Variants in ZNF527 observed in about 807,000 individuals in gnomAD.
ZNF527 encodes zinc finger protein 527.
Under a neutral mutation model 13.5 loss-of-function variants are expected in ZNF527, and 5 were observed. The ratio of observed to expected loss-of-function variants is 0.37; its 90% CI spans 0.19 to 0.78. The LOEUF is 0.78. Ranked by LOEUF, ZNF527 falls within the 30% of genes least tolerant of loss-of-function variation. The pLI is 0.48. For synonymous variants in ZNF527, 209 were observed against 243.1 expected, an observed-to-expected ratio of 0.86 and a Z score of 1.30; for missense variants, 628 against 726.4, an observed-to-expected ratio of 0.86 and a Z score of 1.56.
At chr19:37,374,884 G>A (rs1246330662) in intron 2 of ZNF527, among the ~76,000 whole-genome samples, 1 of 152,218 alleles carries the variant, frequency 6.6e-6, no homozygotes, top group Non-Finnish European at 1.5e-5. Flanking sequence ...GAAGCAGAGA[G>A]GCCAGTCAGG....
chr19:37,373,957 C>CT (rs1166457450), intron 1 of ZNF527, among the ~76,000 whole-genome samples: 1 of 151,764 alleles, frequency 6.6e-6, no homozygotes, highest in Non-Finnish European at 1.5e-5. Context: ...TGAGTTCAGG[C>CT]TATGCGTCCT....
Position 37,390,977 on chromosome 19 carries a change from T to C in ZNF527, c.*1098T>C, listed in dbSNP as rs2146828806. 1 of 152,346 alleles carries C rather than the reference T, an allele frequency of 6.6e-6. No individual in the cohort carries two copies. The highest frequency in any genetic ancestry group is 2.1e-4 in the South Asian group (1 of 4,830). 9.4% of individuals were successfully genotyped at this position (152,346 alleles called of 1,614,324 possible). On this transcript the variant is annotated 3_prime_UTR_variant, in exon 5 of 5. Coordinates refer to ENST00000436120, the MANE Select transcript of ZNF527 (RefSeq NM_032453.2). ...GTTACATTTTATTTGTCGATAAAAC[T>C]ATTTTAGTGTTTCTTAGTTTTTTTC...
rs757837023 is a variant in ZNF527 at position 37,389,061 on chromosome 19, G to A, written c.1012G>A (p.Ala338Thr). Residue 338 changes from alanine (A) to threonine (T), a missense_variant, in exon 5 of 5, where the codon GCT becomes ACT. Ala to Thr is a moderately conservative substitution (Grantham distance 58). This residue lies in a region of ZNF527 where 592 missense variants were observed against 678.0 expected (regional missense o/e 0.87). Coordinates refer to ENST00000436120, the MANE Select transcript of ZNF527 (RefSeq NM_032453.2). ...KPYECKECNK[A>T]FRQSAHLAQH... Reference sequence around the variant, plus strand: ...TTATGAATGTAAGGAATGTAACAAAGCTTTCAGACAGAGTGCTCACCTTGC... The same window carrying A: ...TTATGAATGTAAGGAATGTAACAAAACTTTCAGACAGAGTGCTCACCTTGC... 2 of 1,614,240 alleles carry A rather than the reference G, an allele frequency of 1.2e-6. No individual in the cohort carries two copies. Among genetic ancestry groups the A allele is most frequent in the African/African-American group, 1.3e-5 (1 of 75,064 alleles).
chr19:37,377,094 G>A (rs1415639951), intron 2 of ZNF527, among the ~76,000 whole-genome samples: 2 of 152,150 alleles, frequency 1.3e-5, no homozygotes. Flanking sequence ...TGGGACAATA[G>A]CTAAAGGGAG....
Position 37,379,261 on chromosome 19 carries a change from C to A in ZNF527, c.160+15C>A. ...GGTATGGCTTGGTAAGGATGTTTCT[C>A]CCCCATAATTTAAAAATCTTCCTCT... is the stretch of plus-strand genomic sequence containing the variant. On this transcript the variant is annotated intron_variant, in intron 3 of 4. Transcript: ENST00000436120. 6.4e-7 allele frequency: 1 copy of A among 1,570,658 alleles called. No individual in the cohort carries two copies. Among genetic ancestry groups the A allele is most frequent in the Admixed American group, 2.0e-5 (1 of 50,010 alleles).
chr19:37,388,139 C>T (rs1216587222), intron 4 of ZNF527, among the ~76,000 whole-genome samples, 167 bp from the exon 5 acceptor site: 1 of 152,168 alleles, frequency 6.6e-6, no homozygotes, highest in African/African-American at 2.4e-5. Flanking sequence ...ATTCTTTGTG[C>T]TTCCATTGTC....
chr19:37,371,359 G>A (rs1162184032), intron 1 of ZNF527, 133 bp downstream of exon 1: 1 of 152,346 alleles, frequency 6.6e-6, no homozygotes, highest in Non-Finnish European at 1.5e-5. Context: ...TACCAACTAT[G>A]TGACAGGCTG....
rs750317373 is a variant in ZNF527 at position 37,389,594 on chromosome 19, C to T, written c.1545C>T (p.His515=). The part of the protein sequence containing the change: ...KAFSDALVLI[H]HKRSHAGEKP... ...TCAGTGATGCTTTAGTTCTAATTCA[C>T]CATAAGAGAAGTCATGCAGGAGAGA... The change falls in exon 5 of 5, where the codon CAC becomes CAT. Residue 515 remains histidine (H), a synonymous_variant. Transcript: ENST00000436120. 3 of 1,613,360 alleles carry T rather than the reference C, an allele frequency of 1.9e-6. No individual in the cohort carries two copies. Among genetic ancestry groups the T allele is most frequent in the East Asian group, 2.2e-5 (1 of 44,790 alleles).
At chr19:37,374,688 C>T (rs1010391204) in intron 2 of ZNF527, among the ~76,000 whole-genome samples, 1 of 152,202 alleles carries the variant, frequency 6.6e-6, no homozygotes, top group Non-Finnish European at 1.5e-5. Flanking sequence ...AGCAATGAGT[C>T]TGTCCTTGGA....
At position 37,389,744 on chromosome 19, in the gene ZNF527, G is replaced by T. The variant is rs778463045; in HGVS notation, c.1695G>T (p.Gln565His). 10 of 1,613,828 alleles carry T rather than the reference G, an allele frequency of 6.2e-6. No homozygotes were observed. Among genetic ancestry groups the T allele is most frequent in the Non-Finnish European group, 8.5e-6 (10 of 1,180,016 alleles). Residue 565 changes from glutamine (Q) to histidine (H), a missense_variant, in exon 5 of 5, where the codon CAG (glutamine) becomes CAT (histidine). Coordinates refer to ENST00000436120, the MANE Select transcript of ZNF527 (RefSeq NM_032453.2). ...GTGAATGTGGGAAGGCTTTTCATCA[G>T]ATCTTGTCCCTAAGACTACACCAGA... ...ECSECGKAFH[Q>H]ILSLRLHQRI...
rs755140986 is a variant in ZNF527 at position 37,380,329 on chromosome 19, A to G, written c.213A>G (p.Glu71=). ...NMISLLEQGK[E]PWMVERKMSQ... Reference sequence around the variant, plus strand: ...TCTCCTTACTGGAGCAAGGGAAGGAACCGTGGATGGTGGAGAGAAAGATGT... The same window carrying G: ...TCTCCTTACTGGAGCAAGGGAAGGAGCCGTGGATGGTGGAGAGAAAGATGT... The change falls in exon 4 of 5, where the codon GAA becomes GAG. Residue 71 remains glutamate (E), a synonymous_variant. Transcript: ENST00000436120. 7 of 1,613,918 alleles carry G rather than the reference A, an allele frequency of 4.3e-6. No homozygotes were observed. Among genetic ancestry groups the G allele is most frequent in the Non-Finnish European group, 1.7e-6 (2 of 1,180,000 alleles).
rs1409556993 is a variant in ZNF527, at chr19:37,389,668, A to G, written c.1619A>G (p.Tyr540Cys). Residue 540 changes from tyrosine (Y) to cysteine (C), a missense_variant, in exon 5 of 5, where the codon TAT (tyrosine) becomes TGT (cysteine). Physicochemically the swap from Tyr to Cys is radical, Grantham distance 194 (BLOSUM62 -2). Around this residue, in one of 3 missense-constraint regions of ZNF527, gnomAD observed 592 missense variants for 678.0 expected, o/e 0.87. Transcript: ENST00000436120. Reference protein sequence around the residue: ...KCGKAFSCGSYLNQHQRIHTG... With the variant: ...KCGKAFSCGSCLNQHQRIHTG... ...GGAAAGGCCTTCAGTTGTGGCTCAT[A>G]TCTTAATCAACATCAAAGAATTCAT... 6.2e-7 allele frequency: 1 copy of G among 1,614,002 alleles called. No individual in the cohort carries two copies. The highest frequency in any genetic ancestry group is 8.5e-7 in the Non-Finnish European group (1 of 1,179,990).
chr19:37,378,775 G>T (rs112806681), intron 2 of ZNF527, among the ~76,000 whole-genome samples: 4,577 of 152,086 alleles, frequency 0.03, 212 homozygotes, highest in African/African-American at 0.096. Context: ...CTCCTATTCT[G>T]CCCCACCTGA....
At chr19:37,385,129 G>T in intron 4 of ZNF527, 1 of 455,596 alleles carries the variant, frequency 2.2e-6, no homozygotes, top group East Asian at 3.2e-5. Context: ...TGGAGAATTA[G>T]ATTATTTTTC....
At chr19:37,382,084 G>A (rs1259846537) in intron 4 of ZNF527, among the ~76,000 whole-genome samples, 2 of 151,966 alleles carry the variant, frequency 1.3e-5, no homozygotes, top group Non-Finnish European at 2.9e-5. Flanking sequence ...TTTTGGGCAC[G>A]TCCTTCCTTC....
chr19:37,380,218 ATTTG>A, intron 3 of ZNF527, 55 bp from the exon 4 acceptor site: 2 of 1,601,944 alleles, frequency 1.2e-6, no homozygotes, highest in Non-Finnish European at 8.5e-7. Flanking sequence ...TGGCATGTTG[ATTTG>A]TTTGTCTGTA....
chr19:37,379,221 G>A lies in ZNF527; in HGVS notation c.135G>A (p.Glu45=). ...QKDLYRDVML[E]NYRNLVWLGL... is the part of the protein sequence containing the mutation. ...ATTTATACAGAGATGTCATGTTGGA[G>A]AACTACAGGAACTTGGTATGGCTTG... is the stretch of plus-strand genomic sequence containing the variant. Residue 45 remains glutamate, a synonymous_variant, in exon 3 of 5, where the codon GAG becomes GAA. Transcript: ENST00000436120. The A allele has an allele frequency of 6.2e-7, 1 of 1,608,546 alleles. No homozygotes were observed. Among genetic ancestry groups the A allele is most frequent in the Non-Finnish European group, 8.5e-7 (1 of 1,178,146 alleles).
chr19:37,377,949 T>C (rs970561834), intron 2 of ZNF527, among the ~76,000 whole-genome samples: 3 of 152,066 alleles, frequency 2.0e-5, no homozygotes, highest in African/African-American at 7.2e-5. Context: ...TACAACACTA[T>C]GGAGTTGTGT....
intron 4 of ZNF527, among the ~76,000 whole-genome samples, chr19:37,381,049 A>G (rs1249267813): frequency 6.6e-6 from 1 of 151,990 alleles, no homozygotes. Flanking sequence ...CCCATCCCCT[A>G]TCTTATCAAT....
Sources: allele counts gnomAD v4.1 joint callset (sites outside exome capture counted in the v4.1 genomes callset), GRCh38; gene constraint gnomAD v4.1.1; regional missense constraint gnomAD v4.1.1; transcripts MANE v1.5; gene names NCBI Gene and HGNC (gene_info 2026-07-23, HGNC 2026-07-21).